APBB2: variants seen among roughly 807,000 people sequenced by gnomAD.
The protein encoded by APBB2 is amyloid beta precursor protein binding family B member 2, also known as Fe65-like 1.
Under a neutral mutation model 82.5 loss-of-function variants are expected in APBB2, and 38 were observed. That is an observed-to-expected ratio of 0.46 (90% CI 0.36 to 0.60). APBB2 has a LOEUF of 0.60. Among genes scored for constraint, APBB2 ranks in the 20% least tolerant of loss-of-function variants. The probability of loss-of-function intolerance (pLI) is 0.00; values close to 1 mark genes in which losing one functional copy is unlikely to be tolerated. For missense variants in APBB2, 772 were observed against 972.3 expected (o/e 0.79, Z 2.74); for synonymous variants, 341 against 368.2 (o/e 0.93, Z 0.85).
intron 10 of APBB2, among the ~76,000 whole-genome samples, chr4:40,931,691 T>C (rs1378507585): frequency 6.6e-6 from 1 of 152,212 alleles, no homozygotes; most frequent in Non-Finnish European, 1.5e-5. Context: ...AATCTTGAGA[T>C]CTGAAAAGCT....
At chr4:40,990,418 A>G (rs1014231604) in intron 6 of APBB2, 2 of 152,146 alleles carry the variant, frequency 1.3e-5, no homozygotes, top group Non-Finnish European at 1.5e-5. Context: ...TCTTTTTTGC[A>G]AAAGTGCCAG....
chr4:40,817,949 C>T (rs1746378052), intron 17 of APBB2, among the ~76,000 whole-genome samples: 1 of 152,164 alleles, frequency 6.6e-6, no homozygotes, highest in Non-Finnish European at 1.5e-5. Context: ...GGACTCTGGA[C>T]TTGGAATTTC....
chr4:41,114,333 G>C (rs1310721165), intron 2 of APBB2, among the ~76,000 whole-genome samples: 1 of 152,134 alleles, frequency 6.6e-6, no homozygotes, highest in African/African-American at 2.4e-5. Flanking sequence ...AAAATAATAA[G>C]AGTTATTTAT....
intron 6 of APBB2, among the ~76,000 whole-genome samples, chr4:41,012,187 A>T (rs1439910393): frequency 6.6e-6 from 1 of 152,202 alleles, no homozygotes; most frequent in Non-Finnish European, 1.5e-5. Context: ...CTTAACTACA[A>T]CAGAACCGGC....
At chr4:41,134,302 G>A (rs1278525067) in intron 2 of APBB2, among the ~76,000 whole-genome samples, 2 of 151,996 alleles carry the variant, frequency 1.3e-5, no homozygotes, top group African/African-American at 4.8e-5. Context: ...TTTTAGGGCC[G>A]GGCGCAGTGG....
chr4:41,031,486 G>A (rs1579393489), intron 5 of APBB2, among the ~76,000 whole-genome samples: 1 of 152,196 alleles, frequency 6.6e-6, no homozygotes, highest in East Asian at 1.9e-4. Context: ...CATGAGAGTA[G>A]TAGCTGTTAT....
At chr4:40,868,010 G>T (rs1013264966) in intron 12 of APBB2, among the ~76,000 whole-genome samples, 1 of 150,228 alleles carries the variant, frequency 6.7e-6, no homozygotes, top group Non-Finnish European at 1.5e-5. Context: ...TAGGTCTACA[G>T]GTATACCGTG....
chr4:40,878,555 T>C (rs1208706975), intron 12 of APBB2, among the ~76,000 whole-genome samples: 1 of 152,182 alleles, frequency 6.6e-6, no homozygotes, highest in Non-Finnish European at 1.5e-5. Flanking sequence ...CCTCAGAGAC[T>C]GTAACTGTGC....
chr4:41,019,541 A>C (rs1445621650), intron 5 of APBB2, among the ~76,000 whole-genome samples: 2 of 152,168 alleles, frequency 1.3e-5, no homozygotes, highest in Non-Finnish European at 2.9e-5. Context: ...GTAGAAGGAA[A>C]CTTAAAAAGG....
intron 2 of APBB2, among the ~76,000 whole-genome samples, chr4:41,122,652 G>A (rs2153994832): frequency 6.6e-6 from 1 of 152,266 alleles, no homozygotes; most frequent in Middle Eastern, 3.4e-3. Context: ...GTTGTGGCTG[G>A]TGAACTGAAA....
At position 41,078,714 on chromosome 4, in the gene APBB2, A is replaced by C. The variant is rs796627112; in HGVS notation, c.-148-13041T>G. Among the ~76,000 whole-genome samples, 9 of 152,270 alleles carry C rather than the reference A, an allele frequency of 5.9e-5. 1 individual carries two copies. In the East Asian group the frequency reaches 1.4e-3, roughly 23 times the overall value. On this transcript the variant is annotated intron_variant, in intron 3 of 17. Transcript: ENST00000508593. ...CATTAACCACAGCTTCATATGGATA[A>C]ACACCTTGGCCACTGTAACACCTCC... is the stretch of plus-strand genomic sequence containing the variant.
chr4:40,975,787 C>CACACACACACA (rs778948957), intron 6 of APBB2, among the ~76,000 whole-genome samples: 63 of 150,552 alleles, frequency 4.2e-4, no homozygotes, highest in Non-Finnish European at 8.0e-4. Context: ...CACACACACA[C>CACACACACACA]ACAACAACCA....
intron 2 of APBB2, among the ~76,000 whole-genome samples, chr4:41,137,361 T>C (rs28459878): frequency 1.9e-3 from 286 of 152,314 alleles, no homozygotes; most frequent in African/African-American, 6.5e-3. Flanking sequence ...TAAAAATGAT[T>C]ACCACCTTTA....
chr4:41,108,672 G>A (rs1237784619), intron 2 of APBB2, among the ~76,000 whole-genome samples: 1 of 152,124 alleles, frequency 6.6e-6, no homozygotes, highest in Non-Finnish European at 1.5e-5. Context: ...CCCAGGGAGG[G>A]CCAAGGACCT....
chr4:41,195,648 A>G, intron 1 of APBB2, among the ~76,000 whole-genome samples: 1 of 152,162 alleles, frequency 6.6e-6, no homozygotes, highest in Non-Finnish European at 1.5e-5. Context: ...CTTCGTTGGC[A>G]GCAAAGTCAA....
intron 12 of APBB2, 148 bp downstream of exon 12, chr4:40,890,216 A>G (rs1771567195): frequency 1.9e-6 from 2 of 1,075,690 alleles, no homozygotes; most frequent in South Asian, 1.8e-5. Context: ...GAGGCAGGGA[A>G]CTAGAGACAA....
intron 1 of APBB2, among the ~76,000 whole-genome samples, chr4:41,211,752 G>A (rs185329992): frequency 8.4e-4 from 128 of 152,286 alleles, no homozygotes; most frequent in Admixed American, 2.4e-3. Context: ...AAAGTGCTGT[G>A]ATTATAGGTG....
chr4:41,060,980 G>A (rs1004161349), intron 4 of APBB2, among the ~76,000 whole-genome samples: 6 of 152,150 alleles, frequency 3.9e-5, no homozygotes, highest in Admixed American at 3.9e-4. Context: ...GAAACCTAAA[G>A]GACTCAAATA....
chr4:40,903,217 T>G lies in APBB2; in HGVS notation c.1255-9806A>C, dbSNP rs561075324. 1.0e-4 allele frequency among the ~76,000 whole-genome samples: 14 copies of G among 140,274 alleles called. No homozygotes were observed. In the South Asian group the frequency reaches 3.0e-3, roughly 30 times the overall value. The allele number at this position is 140,274 out of a possible 152,430, so 92.0% of individuals were successfully genotyped here. ...GGCTCACACCTGTAATCCCAGCACT[T>G]TGGGAGGCCAAGGCCGGTGGATCAC... On this transcript the variant is annotated intron_variant, in intron 10 of 17. Coordinates refer to ENST00000508593, the MANE Select transcript of APBB2 (RefSeq NM_004307.2).
Sources: gnomAD v4.1 joint callset for allele counts (sites outside exome capture counted in the v4.1 genomes callset) on GRCh38, gnomAD v4.1.1 for gene constraint, MANE v1.5 for transcripts, NCBI Gene and HGNC (gene_info 2026-07-23, HGNC 2026-07-21) for gene names.